The following RNF216 variants were observed in gnomAD, a reference collection of about 807,000 sequenced individuals.
RNF216 encodes the protein E3 ubiquitin-protein ligase RNF216.
A neutral mutation model predicts 110.8 loss-of-function variants in RNF216; 72 were observed. That is an observed-to-expected ratio of 0.65 (90% CI 0.54 to 0.79). The LOEUF (loss-of-function observed/expected upper bound fraction) is 0.79, where lower values mean the gene tolerates loss of function less well. RNF216 is among the 30% of genes least tolerant of loss of function. The pLI is 0.00. For missense variants in RNF216, 1,342 were observed against 1,141.2 expected, an observed-to-expected ratio of 1.18 and a Z score of -2.54; for synonymous variants, 495 against 407.5, an observed-to-expected ratio of 1.21 and a Z score of -2.59.
chr7:5,735,298 A>G (rs1794330311), intron 5 of RNF216, among the ~76,000 whole-genome samples: 1 of 152,206 alleles, frequency 6.6e-6, no homozygotes, highest in Admixed American at 6.5e-5. Flanking sequence ...AACTCAAGAT[A>G]TGAGCTTAGA....
intron 13 of RNF216, among the ~76,000 whole-genome samples, chr7:5,706,002 C>T (rs1052674762): frequency 2.6e-5 from 4 of 151,440 alleles, no homozygotes; most frequent in African/African-American, 4.9e-5. Flanking sequence ...TGGAGGATTA[C>T]GAGGTCAGGA....
intron 4 of RNF216, among the ~76,000 whole-genome samples, chr7:5,740,565 T>G (rs6973104): frequency 0.017 from 2,597 of 152,296 alleles, 63 homozygotes; most frequent in African/African-American, 0.058. Context: ...CTGGAAAATT[T>G]TATTTAACTG....
At chr7:5,752,614 T>A (rs1795390476) in intron 3 of RNF216, among the ~76,000 whole-genome samples, 2 of 152,054 alleles carry the variant, frequency 1.3e-5, no homozygotes, top group Non-Finnish European at 2.9e-5. Flanking sequence ...ATGACAACAG[T>A]GGAATTTGGT....
intron 9 of RNF216, among the ~76,000 whole-genome samples, chr7:5,717,704 T>A (rs144112683): frequency 2.0e-5 from 3 of 152,210 alleles, no homozygotes; most frequent in African/African-American, 7.2e-5. Flanking sequence ...AAAATCCCTA[T>A]GAATTGCTGC....
At chr7:5,623,943 G>A (rs1786549580) in intron 16 of RNF216, 113 bp downstream of exon 16, 2 of 865,316 alleles carry the variant, frequency 2.3e-6, no homozygotes, top group Admixed American at 2.6e-5. Context: ...CTGAGGGACA[G>A]CACCCCCTCC....
intron 15 of RNF216, among the ~76,000 whole-genome samples, 157 bp downstream of exon 15, chr7:5,640,997 A>G (rs1787700023): frequency 1.3e-5 from 2 of 152,232 alleles, no homozygotes. Flanking sequence ...GTAGCTGATA[A>G]TTAGTTTCTC....
chr7:5,748,242 G>C (rs1299418632), intron 3 of RNF216, among the ~76,000 whole-genome samples: 2 of 152,184 alleles, frequency 1.3e-5, no homozygotes, highest in African/African-American at 2.4e-5. Context: ...CACACAAACT[G>C]TCTTTGTGCC....
intron 15 of RNF216, among the ~76,000 whole-genome samples, chr7:5,627,696 G>A (rs1226820176): frequency 6.6e-6 from 1 of 151,372 alleles, no homozygotes; most frequent in Admixed American, 6.6e-5. Context: ...GCAGTGAGCC[G>A]AGATCGCGCC....
intron 13 of RNF216, among the ~76,000 whole-genome samples, chr7:5,698,633 A>G (rs953019692): frequency 6.6e-6 from 1 of 152,008 alleles, no homozygotes; most frequent in African/African-American, 2.4e-5. Flanking sequence ...ACCTCAAGCA[A>G]TCCTCCTGCC....
intron 1 of RNF216, among the ~76,000 whole-genome samples, chr7:5,768,172 C>T (rs1379663129): frequency 6.6e-6 from 1 of 151,336 alleles, no homozygotes; most frequent in Non-Finnish European, 1.5e-5. Context: ...AAAAAATTAC[C>T]AGGTGCGGTA....
At chr7:5,779,912 C>T (rs1244624015) in intron 1 of RNF216, 1 of 151,578 alleles carries the variant, frequency 6.6e-6, no homozygotes. Context: ...ATCTAAAACG[C>T]CACTGTTTCC....
chr7:5,663,344 G>A (rs1168871020), intron 13 of RNF216, among the ~76,000 whole-genome samples: 9 of 152,138 alleles, frequency 5.9e-5, no homozygotes, highest in Admixed American at 2.6e-4. Flanking sequence ...ACTTTGGGAG[G>A]CCGAGGCAGG....
chr7:5,739,177 A>G (rs1320391944), intron 5 of RNF216, 99 bp downstream of exon 5: 51 of 1,340,760 alleles, frequency 3.8e-5, no homozygotes, highest in Non-Finnish European at 4.6e-5. Flanking sequence ...TAACAACACC[A>G]AATTGTATAT....
Position 5,651,212 on chromosome 7 carries a change from C to G in RNF216, c.2159+1201G>C, listed in dbSNP as rs190863530. 3.2e-4 allele frequency among the ~76,000 whole-genome samples: 48 copies of G among 151,948 alleles called. 1 individual carries two copies. The East Asian group carries it at 8.3e-3, about 26-fold the overall frequency. On this transcript the variant is annotated intron_variant, in intron 14 of 16. Transcript: ENST00000389902. ...ATATCACCTTCAGGGAAGGGTGAAG[C>G]AGTTAGACAATCTTCTCTTTTTTTT...
At chr7:5,741,923 A>G (rs943117293) in intron 3 of RNF216, 108 bp from the exon 4 acceptor site, 8 of 1,134,084 alleles carry the variant, frequency 7.1e-6, no homozygotes, top group Non-Finnish European at 1.2e-6. Flanking sequence ...CAAAAACACC[A>G]TCTCCCTTAA....
chr7:5,721,103 C>A lies in RNF216; in HGVS notation c.1574G>T (p.Arg525Leu). The change falls in exon 9 of 17, where the codon CGA becomes CTA. Residue 525 changes from arginine (R) to leucine (L), a missense_variant. Coordinates refer to ENST00000389902, the MANE Select transcript of RNF216 (RefSeq NM_207111.4). ...TTGCACAGCTGGAAGGAGAGCACGTCGGTCATAGGACCTACAATGTCGTCG... is the reference window on the plus strand; with the variant it reads ...TTGCACAGCTGGAAGGAGAGCACGTAGGTCATAGGACCTACAATGTCGTCG... ...NKRRHCRSYD[R>L]RALLPAVQQE... is the part of the protein sequence containing the mutation. 1.2e-6 allele frequency: 2 copies of A among 1,613,764 alleles called. No individual in the cohort carries two copies. The highest frequency in any genetic ancestry group is 1.7e-6 in the Non-Finnish European group (2 of 1,179,680).
chr7:5,660,262 ATTC>A (rs1789019264), intron 13 of RNF216, among the ~76,000 whole-genome samples: 1 of 46,208 alleles, frequency 2.2e-5, no homozygotes, highest in Non-Finnish European at 5.3e-5. Context: ...CCTGTTTTAA[ATTC>A]TTTTTTTTTT....
chr7:5,711,666 A>G (rs551883246), intron 13 of RNF216, 95 bp downstream of exon 13: 3 of 940,508 alleles, frequency 3.2e-6, no homozygotes, highest in African/African-American at 3.3e-5. Flanking sequence ...CTTCTTATAC[A>G]TCAGCAGTCA....
intron 13 of RNF216, among the ~76,000 whole-genome samples, chr7:5,707,322 T>C (rs1202594206): frequency 2.0e-5 from 3 of 152,352 alleles, no homozygotes; most frequent in East Asian, 1.9e-4. Context: ...CAGTTTTTTA[T>C]AGTTTTCAGT....
Sources: gnomAD v4.1 joint callset for allele counts (sites outside exome capture counted in the v4.1 genomes callset) on GRCh38, gnomAD v4.1.1 for gene constraint, MANE v1.5 for transcripts, NCBI Gene and HGNC (gene_info 2026-07-23, HGNC 2026-07-21) for gene names.